TYW1: variants seen among roughly 807,000 people sequenced by gnomAD.
TYW1 encodes S-adenosyl-L-methionine-dependent tRNA 4-demethylwyosine synthase TYW1.
In TYW1, 46 loss-of-function variants were observed where a neutral mutation model predicts 96.2. The ratio of observed to expected loss-of-function variants is 0.48; its 90% CI spans 0.38 to 0.61. The LOEUF (loss-of-function observed/expected upper bound fraction) is 0.61. TYW1 is among the 20% of genes least tolerant of loss of function. The pLI, the probability that TYW1 is intolerant of heterozygous loss-of-function variation, is 0.00. For synonymous variants in TYW1, 274 were observed against 323.0 expected, an observed-to-expected ratio of 0.85 and a Z score of 1.63; for missense variants, 684 against 909.6, an observed-to-expected ratio of 0.75 and a Z score of 3.19.
intron 5 of TYW1, 111 bp from the exon 6 acceptor site, chr7:67,017,742 G>A (rs1584467656): frequency 7.0e-7 from 1 of 1,435,884 alleles, no homozygotes; most frequent in Admixed American, 2.4e-5. Flanking sequence ...CTCTTCCTTA[G>A]CGGCAGCCCA....
In TYW1 at chr7:67,237,499, CAA is replaced by C. The variant is rs386410332; in HGVS notation, c.1978-791_1978-790del. Among the ~76,000 whole-genome samples the C allele has an allele frequency of 2.8e-3, 276 of 98,748 alleles. 1 individual carries two copies. The highest frequency in any genetic ancestry group is 5.5e-3 in the African/African-American group (166 of 30,100). The allele number at this position is 98,748 out of a possible 152,430, so 64.8% of individuals were successfully genotyped here. A position where few individuals can be genotyped will look rare whatever the true frequency, so the allele number is the denominator to read the frequency against. ...TGGGCTACAGAGTGAGACTCTGTCT[CAA>C]AAAAAAAAAAAAAAAAAGACAGTGG... On this transcript the variant is annotated intron_variant, in intron 15 of 15. Transcript: ENST00000359626.
At chr7:67,136,285 C>T (rs1432415370) in intron 13 of TYW1, among the ~76,000 whole-genome samples, 3 of 152,136 alleles carry the variant, frequency 2.0e-5, no homozygotes, top group Non-Finnish European at 2.9e-5. Context: ...TATCATTTTT[C>T]CTTCTCTTAT....
intron 15 of TYW1, among the ~76,000 whole-genome samples, chr7:67,227,275 A>T (rs1048484571): frequency 4.0e-5 from 6 of 151,774 alleles, no homozygotes; most frequent in African/African-American, 1.2e-4. Flanking sequence ...TATTTTTTTG[A>T]GATGGGCGTC....
intron 14 of TYW1, among the ~76,000 whole-genome samples, chr7:67,186,400 A>G (rs1800026393): frequency 6.6e-6 from 1 of 152,016 alleles, no homozygotes; most frequent in African/African-American, 2.4e-5. Context: ...GGTAAACAGT[A>G]TACTTCTCTG....
At chr7:67,141,339 C>T (rs1798442107) in intron 13 of TYW1, among the ~76,000 whole-genome samples, 1 of 152,130 alleles carries the variant, frequency 6.6e-6, no homozygotes, top group Non-Finnish European at 1.5e-5. Flanking sequence ...AATAAAAATA[C>T]ATCATGTATA....
intron 14 of TYW1, among the ~76,000 whole-genome samples, chr7:67,193,928 C>T (rs538590453): frequency 6.6e-6 from 1 of 151,938 alleles, no homozygotes; most frequent in South Asian, 2.1e-4. Context: ...CCAAGTTATT[C>T]CCCACTTAGC....
chr7:67,095,822 A>C (rs1796892528), intron 11 of TYW1, among the ~76,000 whole-genome samples: 1 of 152,042 alleles, frequency 6.6e-6, no homozygotes, highest in Admixed American at 6.6e-5. Context: ...AGTGTGTCTA[A>C]AATAAAATCA....
At chr7:67,191,808 C>A (rs1422654533) in intron 14 of TYW1, among the ~76,000 whole-genome samples, 1 of 151,930 alleles carries the variant, frequency 6.6e-6, no homozygotes, top group African/African-American at 2.4e-5. Flanking sequence ...ATTTCTGTCA[C>A]GGTGCAGCCT....
At chr7:67,119,762 A>G (rs1034865605) in intron 13 of TYW1, among the ~76,000 whole-genome samples, 1 of 152,038 alleles carries the variant, frequency 6.6e-6, no homozygotes, top group African/African-American at 2.4e-5. Context: ...TGTCTAGCAT[A>G]GTACACTTTA....
intron 13 of TYW1, among the ~76,000 whole-genome samples, chr7:67,157,449 C>T (rs561679466): frequency 6.6e-6 from 1 of 152,210 alleles, no homozygotes; most frequent in African/African-American, 2.4e-5. Context: ...CCATGCCTGG[C>T]TAATGTTTGT....
intron 11 of TYW1, among the ~76,000 whole-genome samples, chr7:67,084,295 T>C (rs541380404): frequency 1.8e-4 from 28 of 152,324 alleles, no homozygotes; most frequent in Non-Finnish European, 3.7e-4. Context: ...TAACAGTTTC[T>C]TCCATCTAAT....
chr7:67,127,862 A>G (rs1247535294), intron 13 of TYW1, among the ~76,000 whole-genome samples: 3 of 152,064 alleles, frequency 2.0e-5, no homozygotes, highest in Admixed American at 6.6e-5. Context: ...CAGGGCTTAA[A>G]TATTTCACCC....
At chr7:67,107,671 A>G (rs547365504) in intron 12 of TYW1, among the ~76,000 whole-genome samples, 1 of 152,306 alleles carries the variant, frequency 6.6e-6, no homozygotes, top group East Asian at 1.9e-4. Flanking sequence ...AAGGCAGGCT[A>G]AGTAATGTTG....
chr7:67,106,651 G>C (rs1797254353), intron 12 of TYW1, among the ~76,000 whole-genome samples: 1 of 152,198 alleles, frequency 6.6e-6, no homozygotes, highest in Non-Finnish European at 1.5e-5. Flanking sequence ...CCAGAGTTCA[G>C]AGTCAAATTT....
At chr7:67,037,375 A>C (rs1485996033) in intron 7 of TYW1, among the ~76,000 whole-genome samples, 1 of 152,010 alleles carries the variant, frequency 6.6e-6, no homozygotes, top group East Asian at 1.9e-4. Context: ...GTGGTGGTGC[A>C]TGCCTGTAAT....
intron 13 of TYW1, among the ~76,000 whole-genome samples, chr7:67,139,204 G>A (rs776493000): frequency 1.2e-4 from 19 of 152,122 alleles, no homozygotes; most frequent in African/African-American, 2.4e-4. Flanking sequence ...GGTGCACGCC[G>A]CCACACCCGG....
At chr7:67,159,976 AT>A (rs71052403) in intron 13 of TYW1, among the ~76,000 whole-genome samples, 51,100 of 150,958 alleles carry the variant, frequency 0.34, 9,547 homozygotes, top group African/African-American at 0.5. Context: ...AATGTTTTGT[AT>A]TTTTTTTAGT....
intron 9 of TYW1, among the ~76,000 whole-genome samples, chr7:67,064,242 A>G (rs963537497): frequency 9.2e-5 from 14 of 152,340 alleles, no homozygotes; most frequent in Middle Eastern, 3.4e-3. Flanking sequence ...AGCTTAAACA[A>G]TGTTGACAAA....
In TYW1 at chr7:67,017,919, G is replaced by GGCGACT. The variant is rs1173007317; in HGVS notation, c.643_648dup (p.Cys215_Asp216dup). On this transcript the variant is annotated inframe_insertion, in exon 6 of 16. Transcript: ENST00000359626. The stretch of plus-strand genomic sequence containing the variant: ...GCATCGTGTGATGAGTCGAGGGGAG[G>GGCGACT]GCGACTGCGACGTGGTTAAAAGCAA... 6.2e-7 allele frequency: 1 copy of GGCGACT among 1,614,008 alleles called. No individual in the cohort carries two copies. Among genetic ancestry groups the GGCGACT allele is most frequent in the East Asian group, 2.2e-5 (1 of 44,894 alleles).
Sources: allele counts gnomAD v4.1 joint callset (sites outside exome capture counted in the v4.1 genomes callset), GRCh38; gene constraint gnomAD v4.1.1; transcripts MANE v1.5; gene names NCBI Gene and HGNC (gene_info 2026-07-23, HGNC 2026-07-21).